TNFSF4: variants seen among roughly 807,000 people sequenced by gnomAD.
TNFSF4 encodes tumor necrosis factor ligand superfamily member 4.
In TNFSF4, 4 loss-of-function variants were observed where a neutral mutation model predicts 7.3. That is an observed-to-expected ratio of 0.55 (90% CI 0.27 to 1.25). The LOEUF (loss-of-function observed/expected upper bound fraction) is 1.25, where lower values mean the gene tolerates loss of function less well. Among genes scored for constraint, TNFSF4 ranks in the 50% most tolerant of loss-of-function variants. The pLI, the probability that TNFSF4 is intolerant of heterozygous loss-of-function variation, is 0.12. For missense variants in TNFSF4, 181 were observed against 208.8 expected (o/e 0.87, Z 0.82); for synonymous variants, 76 against 83.7 (o/e 0.91, Z 0.50).
chr1:173,427,036 A>G, the TNFSF4 span, among the ~76,000 whole-genome samples: 2 of 152,206 alleles, frequency 1.3e-5, no homozygotes, highest in African/African-American at 4.8e-5. Context: ...TAGCCCTGTG[A>G]AACCCAATCT....
At chr1:173,390,184 A>G in the TNFSF4 span, among the ~76,000 whole-genome samples, 92 of 152,324 alleles carry the variant, frequency 6.0e-4, no homozygotes, top group African/African-American at 2.2e-3. Context: ...CTACAGTACT[A>G]GTATAGTATT....
the TNFSF4 span, among the ~76,000 whole-genome samples, chr1:173,301,858 A>T: frequency 6.7e-6 from 1 of 148,784 alleles, no homozygotes; most frequent in Non-Finnish European, 1.5e-5. Context: ...GGCGGAAATC[A>T]TGTCTTCTCA....
the TNFSF4 span, among the ~76,000 whole-genome samples, chr1:173,233,526 G>T: frequency 1.3e-5 from 2 of 152,146 alleles, no homozygotes; most frequent in Admixed American, 6.5e-5. Flanking sequence ...ACACATAATT[G>T]TCAGATTCAC....
chr1:173,413,049 A>T, the TNFSF4 span, among the ~76,000 whole-genome samples: 1 of 152,186 alleles, frequency 6.6e-6, no homozygotes, highest in Non-Finnish European at 1.5e-5. Context: ...GCCCACCCAG[A>T]CCAAAAATGG....
intron 1 of TNFSF4, among the ~76,000 whole-genome samples, chr1:173,199,733 A>G (rs1455714715): frequency 2.6e-5 from 4 of 152,236 alleles, no homozygotes; most frequent in African/African-American, 9.6e-5. Flanking sequence ...TCATGGTTGA[A>G]TAGGTATTTG....
chr1:173,327,727 T>C, the TNFSF4 span, among the ~76,000 whole-genome samples: 1 of 152,164 alleles, frequency 6.6e-6, no homozygotes, highest in Non-Finnish European at 1.5e-5. Context: ...AGAAGACATT[T>C]ATGCAGCCAA....
At chr1:173,420,071 T>C in the TNFSF4 span, among the ~76,000 whole-genome samples, 6 of 152,080 alleles carry the variant, frequency 3.9e-5, no homozygotes, top group African/African-American at 1.4e-4. Flanking sequence ...TAAAAAGCAA[T>C]TTTTTTTCTT....
the TNFSF4 span, among the ~76,000 whole-genome samples, chr1:173,390,180 T>A: frequency 3.3e-5 from 5 of 152,184 alleles, no homozygotes; most frequent in Admixed American, 3.3e-4. Flanking sequence ...TATACTACAG[T>A]ACTAGTATAG....
the TNFSF4 span, among the ~76,000 whole-genome samples, chr1:173,177,298 T>C: frequency 6.6e-6 from 1 of 152,098 alleles, no homozygotes; most frequent in African/African-American, 2.4e-5. Context: ...TGCAGCAACA[T>C]GGATGGAGCT....
the TNFSF4 span, among the ~76,000 whole-genome samples, chr1:173,342,984 G>A: frequency 6.6e-6 from 1 of 152,196 alleles, no homozygotes; most frequent in Non-Finnish European, 1.5e-5. Flanking sequence ...AAGGAAGAAG[G>A]TGACACAATG....
the TNFSF4 span, among the ~76,000 whole-genome samples, chr1:173,293,440 C>T: frequency 1.3e-5 from 2 of 151,980 alleles, no homozygotes; most frequent in Non-Finnish European, 2.9e-5. Flanking sequence ...AACCGGACCC[C>T]TACTTTCACC....
chr1:173,214,766 G>A, the TNFSF4 span, among the ~76,000 whole-genome samples: 2 of 152,278 alleles, frequency 1.3e-5, no homozygotes, highest in Admixed American at 1.3e-4. Context: ...TTTATTGTGT[G>A]CTTTCTCTGT....
chr1:173,290,807 TC>T, the TNFSF4 span, among the ~76,000 whole-genome samples: 1 of 152,062 alleles, frequency 6.6e-6, no homozygotes, highest in Non-Finnish European at 1.5e-5. Context: ...TGGCACATAC[TC>T]GAAGACCAAC....
chr1:173,254,268 C>T, the TNFSF4 span, among the ~76,000 whole-genome samples: 1 of 152,114 alleles, frequency 6.6e-6, no homozygotes, highest in African/African-American at 2.4e-5. Flanking sequence ...GGTCAGCCTC[C>T]ATTCTATAAA....
At chr1:173,363,091 T>C in the TNFSF4 span, 1 of 345,766 alleles carries the variant, frequency 2.9e-6, no homozygotes, top group South Asian at 3.2e-5. Context: ...TTTCCTTTCC[T>C]GTTCTTCTTC....
At chr1:173,272,635 C>T in the TNFSF4 span, among the ~76,000 whole-genome samples, 1 of 152,114 alleles carries the variant, frequency 6.6e-6, no homozygotes, top group African/African-American at 2.4e-5. Context: ...TGGCTACTTT[C>T]TCAAAACATT....
At chr1:173,401,881 A>T in the TNFSF4 span, among the ~76,000 whole-genome samples, 3 of 152,194 alleles carry the variant, frequency 2.0e-5, no homozygotes, top group African/African-American at 7.2e-5. Context: ...AAATGCTGCT[A>T]ATGTCCTATC....
At chr1:173,292,391 A>G in the TNFSF4 span, among the ~76,000 whole-genome samples, 6 of 152,212 alleles carry the variant, frequency 3.9e-5, no homozygotes, top group Non-Finnish European at 8.8e-5. Context: ...CCATATGATC[A>G]TCTCAATAGA....
At chr1:173,369,983 C>G in the TNFSF4 span, among the ~76,000 whole-genome samples, 1 of 152,062 alleles carries the variant, frequency 6.6e-6, no homozygotes, top group Non-Finnish European at 1.5e-5. Context: ...CTCCTCCACC[C>G]AGAAGGAAAC....
Sources: gnomAD v4.1 joint callset for allele counts (sites outside exome capture counted in the v4.1 genomes callset) on GRCh38, gnomAD v4.1.1 for gene constraint, MANE v1.5 for transcripts, NCBI Gene and HGNC (gene_info 2026-07-23, HGNC 2026-07-21) for gene names.